Variants in CASD1 observed in about 807,000 individuals in gnomAD.
CASD1 encodes CAS1 domain sialic acid O acetyltransferase 1, also known as N-acetylneuraminate (7)9-O-acetyltransferase.
Under a neutral mutation model 100.0 loss-of-function variants are expected in CASD1, and 41 were observed. The observed-to-expected ratio is 0.41, with a 90% CI of 0.32 to 0.53. CASD1 has a LOEUF of 0.53. CASD1 is among the 20% of genes least tolerant of loss of function. The pLI is 0.25. For missense variants in CASD1, 774 were observed against 948.7 expected, an observed-to-expected ratio of 0.82 and a Z score of 2.42; for synonymous variants, 321 against 315.6, an observed-to-expected ratio of 1.02 and a Z score of -0.18.
the CASD1 span, among the ~76,000 whole-genome samples, chr7:94,580,777 T>C: frequency 2.0e-5 from 3 of 152,264 alleles, no homozygotes; most frequent in African/African-American, 2.4e-5. Context: ...ATACTTGGAA[T>C]ACTTCTTCGC....
At chr7:94,608,161 T>C in the CASD1 span, among the ~76,000 whole-genome samples, 8 of 152,114 alleles carry the variant, frequency 5.3e-5, no homozygotes, top group Admixed American at 5.2e-4. Context: ...CTGGCCAACA[T>C]GACAAAACCA....
intron 7 of CASD1, 67 bp from the exon 8 acceptor site, chr7:94,535,242 G>T: frequency 8.6e-7 from 1 of 1,168,852 alleles, no homozygotes; most frequent in Middle Eastern, 2.8e-4. Context: ...CAGCTAACTT[G>T]CATGATCACA....
At chr7:94,512,386 A>G (rs984544734) in intron 1 of CASD1, among the ~76,000 whole-genome samples, 1 of 152,236 alleles carries the variant, frequency 6.6e-6, no homozygotes, top group African/African-American at 2.4e-5. Context: ...ATAAGAAAGG[A>G]TCTTACATTA....
intron 1 of CASD1, among the ~76,000 whole-genome samples, chr7:94,512,461 G>A (rs1458193469): frequency 6.6e-6 from 1 of 152,178 alleles, no homozygotes; most frequent in African/African-American, 2.4e-5. Context: ...CTGAGGCAAG[G>A]TAGAGTGAAT....
the CASD1 span, among the ~76,000 whole-genome samples, chr7:94,631,709 G>A: frequency 6.6e-6 from 1 of 151,846 alleles, no homozygotes; most frequent in Non-Finnish European, 1.5e-5. Flanking sequence ...ATTTAAGGTA[G>A]GGGGAGGCAA....
At chr7:94,584,038 C>T in the CASD1 span, among the ~76,000 whole-genome samples, 1 of 152,142 alleles carries the variant, frequency 6.6e-6, no homozygotes, top group South Asian at 2.1e-4. Flanking sequence ...AAGATGCTGG[C>T]CAATGATTTC....
At position 94,522,923 on chromosome 7, in the gene CASD1, A is replaced by G. The variant is rs532339841; in HGVS notation, c.352-4239A>G. ...TGATCCACCCACCTCGGCCTCCCAA[A>G]GTGCTGGGATTACAGGTGTGAGCCA... On this transcript the variant is annotated intron_variant, in intron 3 of 17. Transcript: ENST00000297273. Among the ~76,000 whole-genome samples, 299 of 152,338 alleles carry G rather than the reference A, an allele frequency of 2.0e-3. 2 individuals carry two copies. The highest frequency in any genetic ancestry group is 6.9e-3 in the African/African-American group (287 of 41,584).
chr7:94,618,448 T>A, the CASD1 span: 1 of 263,144 alleles, frequency 3.8e-6, no homozygotes, highest in Non-Finnish European at 7.1e-6. Context: ...GGGGCGTCAA[T>A]TTCCTTTGAA....
At chr7:94,537,934 G>A in intron 9 of CASD1, 40 bp downstream of exon 9, 1 of 1,099,462 alleles carries the variant, frequency 9.1e-7, no homozygotes, top group South Asian at 1.4e-5. Context: ...TACCCTTCTT[G>A]TCTCATTACA....
At chr7:94,588,516 TC>T in the CASD1 span, 1 of 1,437,442 alleles carries the variant, frequency 7.0e-7, no homozygotes, top group East Asian at 2.6e-5. Context: ...CTGATGCCAA[TC>T]TATGTAATAA....
chr7:94,511,343 A>G (rs1793698401), intron 1 of CASD1, among the ~76,000 whole-genome samples: 1 of 152,198 alleles, frequency 6.6e-6, no homozygotes, highest in African/African-American at 2.4e-5. Context: ...TCTGCGCTGT[A>G]TTCTCATCCC....
the CASD1 span, among the ~76,000 whole-genome samples, chr7:94,596,981 G>A: frequency 6.6e-6 from 1 of 151,868 alleles, no homozygotes; most frequent in Non-Finnish European, 1.5e-5. Flanking sequence ...AAAGGGATAA[G>A]AGGTTGTTAA....
At position 94,555,722 on chromosome 7, in the gene CASD1, C is replaced by T; in HGVS notation, c.2358C>T (p.Leu786=). The part of the protein sequence containing the change: ...ACIAAFFCGL[L]ILSSIQDKSK... ...TAGCTGCATTTTTTTGTGGACTCCT[C>T]ATCTTATCATCCATTCAAGATAAAT... Residue 786 remains leucine, a synonymous_variant, in exon 18 of 18, where the codon CTC becomes CTT. Coordinates refer to ENST00000297273, the MANE Select transcript of CASD1 (RefSeq NM_022900.5). The T allele has an allele frequency of 1.2e-6, 2 of 1,613,068 alleles. No individual in the cohort carries two copies. Among genetic ancestry groups the T allele is most frequent in the South Asian group, 1.1e-5 (1 of 91,040 alleles).
the CASD1 span, among the ~76,000 whole-genome samples, chr7:94,614,120 A>C: frequency 4.6e-5 from 7 of 151,306 alleles, no homozygotes; most frequent in Non-Finnish European, 1.0e-4. Flanking sequence ...AAAAAAAAAA[A>C]AAAAAAAAAA....
At chr7:94,565,317 A>G in the CASD1 span, among the ~76,000 whole-genome samples, 2 of 152,218 alleles carry the variant, frequency 1.3e-5, no homozygotes, top group African/African-American at 4.8e-5. Context: ...AGCGTAATAG[A>G]CCTGCCTTGG....
chr7:94,559,239 A>G (rs1796296524), downstream of CASD1, among the ~76,000 whole-genome samples: 1 of 151,662 alleles, frequency 6.6e-6, no homozygotes. Context: ...GAACCTAAAT[A>G]TAACAATATT....
the CASD1 span, chr7:94,617,495 T>TCA: frequency 6.6e-6 from 1 of 152,206 alleles, no homozygotes; most frequent in African/African-American, 2.4e-5. Context: ...GAGAATGCCT[T>TCA]CAGGGAAGAT....
intron 3 of CASD1, among the ~76,000 whole-genome samples, chr7:94,526,351 T>C (rs1419961097): frequency 6.6e-6 from 1 of 152,210 alleles, no homozygotes; most frequent in Non-Finnish European, 1.5e-5. Flanking sequence ...AGTTAGAGAC[T>C]AGAGAATTGC....
At chr7:94,624,233 T>A in the CASD1 span, 2 of 396,892 alleles carry the variant, frequency 5.0e-6, no homozygotes. Context: ...TGGCAATGAT[T>A]GCAGCTGGAG....
Sources: gnomAD v4.1 joint callset for allele counts (sites outside exome capture counted in the v4.1 genomes callset) on GRCh38, gnomAD v4.1.1 for gene constraint, MANE v1.5 for transcripts, NCBI Gene and HGNC (gene_info 2026-07-23, HGNC 2026-07-21) for gene names.